Variants in CLEC2A observed in about 807,000 individuals in gnomAD.
CLEC2A encodes keratinocyte-associated C-type lectin.
CLEC2A carries 19 observed loss-of-function variants against 18.6 expected under a neutral mutation model. The ratio of observed to expected loss-of-function variants is 1.02; its 90% confidence interval spans 0.71 to 1.50. The LOEUF (loss-of-function observed/expected upper bound fraction) is 1.50, where lower values mean the gene tolerates loss of function less well. CLEC2A is among the 40% of genes most tolerant of loss of function. CLEC2A has a pLI of 0.00. For missense variants in CLEC2A, 190 were observed against 207.9 expected (o/e 0.91, Z 0.53); for synonymous variants, 74 against 64.0 (o/e 1.16, Z -0.75).
At chr12:9,893,496 G>A in the CLEC2A span, 2 of 1,524,244 alleles carry the variant, frequency 1.3e-6, no homozygotes, top group South Asian at 1.2e-5. Flanking sequence ...ACATTCCAAG[G>A]GAACCTATGG....
chr12:9,912,843 T>C (rs991273678), downstream of CLEC2A, among the ~76,000 whole-genome samples: 1 of 152,232 alleles, frequency 6.6e-6, no homozygotes, highest in African/African-American at 2.4e-5. Flanking sequence ...TCCCGGGCAC[T>C]GCTTCCCACC....
intron 4 of CLEC2A, among the ~76,000 whole-genome samples, chr12:9,904,076 T>C (rs899726107): frequency 4.6e-5 from 7 of 152,188 alleles, no homozygotes; most frequent in Admixed American, 1.3e-4. Context: ...GGCAGACTGA[T>C]TGGTTAGCTC....
chr12:9,916,688 T>C lies in CLEC2A; in HGVS notation c.410+12A>G, dbSNP rs767613949. ...CCAGAATAAGAACATTGCTAATACA[T>C]TGGAAACTCACCAACCATTGAATGT... On this transcript the variant is annotated intron_variant, in intron 4 of 4. Coordinates refer to ENST00000455827, the MANE Select transcript of CLEC2A (RefSeq NM_001130711.2). 36 of 1,480,840 alleles carry C rather than the reference T, an allele frequency of 2.4e-5. No individual in the cohort carries two copies. The highest frequency in any genetic ancestry group is 3.4e-4 in the Middle Eastern group (2 of 5,830). The allele number at this position is 1,480,840 out of a possible 1,614,324, so 91.7% of individuals were successfully genotyped here.
Position 9,932,299 on chromosome 12 carries a change from C to T in CLEC2A, c.31G>A (p.Ala11Thr). 13 of 1,551,904 alleles carry T rather than the reference C, an allele frequency of 8.4e-6. No homozygotes were observed. Among genetic ancestry groups the T allele is most frequent in the Non-Finnish European group, 1.1e-5 (13 of 1,146,922 alleles). Reference sequence around the variant, plus strand: ...CCTATCCGATGTATGAAGCCATCAGCTCTGCCATCCCGCAGCTCTGGATTA... The same window carrying T: ...CCTATCCGATGTATGAAGCCATCAGTTCTGCCATCCCGCAGCTCTGGATTA... MINPELRDGRADGFIHRIVPK... is the reference protein window; with the variant it reads MINPELRDGRTDGFIHRIVPK... The change falls in exon 1 of 5, where the codon GCT (alanine) becomes ACT (threonine). Residue 11 changes from alanine to threonine, a missense_variant. By Grantham distance (58) the Ala-to-Thr change is moderately conservative. Transcript: ENST00000455827.
chr12:9,887,287 T>C, the CLEC2A span, among the ~76,000 whole-genome samples: 2 of 151,984 alleles, frequency 1.3e-5, no homozygotes, highest in Admixed American at 1.3e-4. Flanking sequence ...ATAGATTAGA[T>C]AGATAAAGAT....
intron 4 of CLEC2A, among the ~76,000 whole-genome samples, chr12:9,904,584 A>G (rs764386485): frequency 3.9e-5 from 6 of 152,094 alleles, no homozygotes; most frequent in Admixed American, 2.0e-4. Flanking sequence ...GTTGGGTCCC[A>G]CATGTTCTCC....
chr12:9,895,809 G>A (rs1446399822), downstream of CLEC2A: 3 of 1,534,710 alleles, frequency 2.0e-6, no homozygotes, highest in African/African-American at 1.4e-5. Context: ...CGATCTTGAC[G>A]CACAATGGAA....
At chr12:9,928,886 A>G (rs977438726) in intron 1 of CLEC2A, among the ~76,000 whole-genome samples, 5 of 152,346 alleles carry the variant, frequency 3.3e-5, no homozygotes, top group Admixed American at 2.6e-4. Flanking sequence ...CACATACACA[A>G]CTGGTTGAAG....
intron 4 of CLEC2A, among the ~76,000 whole-genome samples, chr12:9,905,138 C>T (rs1185693684): frequency 6.6e-6 from 1 of 152,204 alleles, no homozygotes; most frequent in Non-Finnish European, 1.5e-5. Flanking sequence ...GATTATTAAG[C>T]CCTTTTTAGA....
chr12:9,920,390 G>T (rs759156003), intron 3 of CLEC2A, among the ~76,000 whole-genome samples: 1 of 152,166 alleles, frequency 6.6e-6, no homozygotes, highest in East Asian at 1.9e-4. Flanking sequence ...GAAGGCCCCG[G>T]TGGAGTTGGT....
the CLEC2A span, among the ~76,000 whole-genome samples, chr12:9,889,465 A>T: frequency 6.6e-6 from 1 of 152,140 alleles, no homozygotes; most frequent in South Asian, 2.1e-4. Flanking sequence ...AGTCTTAGAA[A>T]AACTGCTGAG....
At chr12:9,895,729 G>A (rs149908207), downstream of CLEC2A, 126 of 1,535,568 alleles carry the variant, frequency 8.2e-5, no homozygotes, top group South Asian at 6.0e-5. Flanking sequence ...GAGCTGTGCC[G>A]TTATCACAGG....
At chr12:9,878,267 G>A in the CLEC2A span, among the ~76,000 whole-genome samples, 3 of 152,140 alleles carry the variant, frequency 2.0e-5, no homozygotes, top group African/African-American at 7.2e-5. Flanking sequence ...TATGAATTTT[G>A]TAAAAGATGC....
At chr12:9,891,917 CAT>C in the CLEC2A span, among the ~76,000 whole-genome samples, 6 of 152,040 alleles carry the variant, frequency 3.9e-5, no homozygotes, top group African/African-American at 1.2e-4. Context: ...GAAAATATGA[CAT>C]GTTTTAACTT....
intron 4 of CLEC2A, among the ~76,000 whole-genome samples, chr12:9,915,727 G>A (rs1310083556): frequency 6.6e-6 from 1 of 152,144 alleles, no homozygotes; most frequent in East Asian, 1.9e-4. Context: ...GGGAGGAAGA[G>A]CATTAGGACA....
chr12:9,895,747 G>C, downstream of CLEC2A: 1 of 1,535,902 alleles, frequency 6.5e-7, no homozygotes. Context: ...AGGAAACTGG[G>C]TGTATTCTGA....
the CLEC2A span, among the ~76,000 whole-genome samples, chr12:9,886,170 C>T: frequency 6.6e-6 from 1 of 151,964 alleles, no homozygotes; most frequent in Non-Finnish European, 1.5e-5. Context: ...ATATTTTTTT[C>T]TAGCCATATT....
chr12:9,919,520 G>T (rs959504804), intron 3 of CLEC2A, among the ~76,000 whole-genome samples: 12 of 152,194 alleles, frequency 7.9e-5, no homozygotes, highest in African/African-American at 2.7e-4. Flanking sequence ...CAGTGCAGAG[G>T]CAGTGGCAGA....
chr12:9,897,781 A>G (rs1419369409), downstream of CLEC2A, among the ~76,000 whole-genome samples: 1 of 152,182 alleles, frequency 6.6e-6, no homozygotes, highest in Non-Finnish European at 1.5e-5. Flanking sequence ...TCATCTGCAC[A>G]AAAGCATCTG....
Sources: allele counts gnomAD v4.1 joint callset (sites outside exome capture counted in the v4.1 genomes callset), GRCh38; gene constraint gnomAD v4.1.1; transcripts MANE v1.5; gene names NCBI Gene and HGNC (gene_info 2026-07-23, HGNC 2026-07-21).